KAZN: variants seen among roughly 807,000 people sequenced by gnomAD.
KAZN encodes the protein kazrin, periplakin interacting protein, also known as kazrin.
Under a neutral mutation model 87.4 loss-of-function variants are expected in KAZN, and 40 were observed. That is an observed-to-expected ratio of 0.46 (90% confidence interval 0.36 to 0.60). KAZN has a LOEUF of 0.60. Ranked by LOEUF, KAZN falls within the 20% of genes least tolerant of loss-of-function variation. The pLI, the probability that KAZN is intolerant of heterozygous loss-of-function variation, is 0.00. For synonymous variants in KAZN, 466 were observed against 458.3 expected (o/e 1.02, Z -0.22); for missense variants, 898 against 1,073.9 (o/e 0.84, Z 2.29).
At chr1:14,104,250 A>G (rs1337292885) in intron 1 of KAZN, among the ~76,000 whole-genome samples, 2 of 152,240 alleles carry the variant, frequency 1.3e-5, no homozygotes, top group East Asian at 3.9e-4. Flanking sequence ...CCTTCCCCGC[A>G]AGGAGCACCT....
At position 14,119,042 on chromosome 1, in the gene KAZN, A is replaced by T. The variant is rs1469530661; in HGVS notation, c.92-61393A>T. 3.7e-5 allele frequency among the ~76,000 whole-genome samples: 4 copies of T among 109,456 alleles called. No individual in the cohort carries two copies. In the Admixed American group the frequency reaches 4.0e-4, roughly 11 times the overall value. The allele number at this position is 109,456 out of a possible 152,430, so 71.8% of individuals were successfully genotyped here. On this transcript the variant is annotated intron_variant, in intron 1 of 16. Coordinates refer to the KAZN transcript ENST00000636203. ...TCATTGCAAAACAAACAAAAAAAAC[A>T]AAAACAAAAACAAAAAAAACCCTTT...
chr1:14,544,346 C>CTTT (rs1672995998), intron 2 of KAZN, among the ~76,000 whole-genome samples: 2 of 67,158 alleles, frequency 3.0e-5, no homozygotes, highest in Admixed American at 1.8e-4. Flanking sequence ...TTCTTTCTTT[C>CTTT]TTTCTTTTTT....
chr1:14,160,216 G>A (rs576821605), intron 1 of KAZN, among the ~76,000 whole-genome samples: 252 of 152,312 alleles, frequency 1.7e-3, no homozygotes, highest in Non-Finnish European at 3.0e-3. Context: ...GCCTGCAATA[G>A]CAAGGCTTTC....
chr1:14,289,576 C>G (rs1045234997), intron 2 of KAZN, among the ~76,000 whole-genome samples: 4 of 151,346 alleles, frequency 2.6e-5, no homozygotes, highest in African/African-American at 9.7e-5. Flanking sequence ...GCCTATGTCT[C>G]TGCACATAAG....
At chr1:14,334,155 C>G (rs1657051508) in intron 2 of KAZN, among the ~76,000 whole-genome samples, 1 of 151,950 alleles carries the variant, frequency 6.6e-6, no homozygotes, top group African/African-American at 2.4e-5. Context: ...CACCTGAGGT[C>G]AGGAGTTCTA....
At chr1:13,981,799 T>G (rs1638723649) in intron 1 of KAZN, among the ~76,000 whole-genome samples, 1 of 152,204 alleles carries the variant, frequency 6.6e-6, no homozygotes, top group Admixed American at 6.5e-5. Flanking sequence ...TGGAAGCATG[T>G]GATGACTGTG....
intron 2 of KAZN, among the ~76,000 whole-genome samples, chr1:14,280,747 T>C (rs1557613216): frequency 6.6e-6 from 1 of 152,126 alleles, no homozygotes; most frequent in African/African-American, 2.4e-5. Context: ...TACAAATACA[T>C]CCCATACACA....
At chr1:13,915,788 CCTT>C (rs1378530241) in intron 1 of KAZN, among the ~76,000 whole-genome samples, 1 of 152,224 alleles carries the variant, frequency 6.6e-6, no homozygotes, top group Admixed American at 6.5e-5. Context: ...CCTCGTTCCA[CCTT>C]CCTTATCTCT....
intron 2 of KAZN, among the ~76,000 whole-genome samples, chr1:14,258,683 A>C (rs1309412322): frequency 6.6e-6 from 1 of 152,108 alleles, no homozygotes; most frequent in Non-Finnish European, 1.5e-5. Flanking sequence ...GTTTGACTTC[A>C]TGTCAGTGGT....
intron 1 of KAZN, among the ~76,000 whole-genome samples, chr1:13,904,393 A>G (rs1639362261): frequency 6.6e-6 from 1 of 152,168 alleles, no homozygotes; most frequent in African/African-American, 2.4e-5. Flanking sequence ...GTTGGGTTGT[A>G]GGGATCAGGC....
chr1:14,512,803 T>C (rs1670985660), intron 2 of KAZN, among the ~76,000 whole-genome samples: 1 of 152,184 alleles, frequency 6.6e-6, no homozygotes, highest in South Asian at 2.1e-4. Flanking sequence ...TTCCTATTCA[T>C]GGCAGTATTT....
intron 1 of KAZN, among the ~76,000 whole-genome samples, chr1:14,926,772 G>A (rs1029489028): frequency 2.0e-5 from 3 of 152,220 alleles, no homozygotes; most frequent in African/African-American, 7.2e-5. Flanking sequence ...GCCAGGCTGT[G>A]CGGTGGCTCT....
intron 1 of KAZN, among the ~76,000 whole-genome samples, chr1:14,171,529 A>G (rs1483256826): frequency 6.6e-6 from 1 of 152,230 alleles, no homozygotes; most frequent in African/African-American, 2.4e-5. Flanking sequence ...CATTTATTTA[A>G]TGAGACCATA....
intron 1 of KAZN, among the ~76,000 whole-genome samples, chr1:14,901,235 G>A (rs899736767): frequency 6.6e-6 from 1 of 152,190 alleles, no homozygotes; most frequent in Non-Finnish European, 1.5e-5. Flanking sequence ...TCTGTCGGAC[G>A]GGGAAAGAGC....
intron 2 of KAZN, among the ~76,000 whole-genome samples, chr1:14,216,048 A>T (rs1215907429): frequency 1.3e-5 from 2 of 152,160 alleles, no homozygotes; most frequent in East Asian, 1.9e-4. Flanking sequence ...CAATTTTTTT[A>T]AAAAATAGAG....
intron 1 of KAZN, among the ~76,000 whole-genome samples, chr1:14,627,878 T>A (rs961606552): frequency 6.6e-6 from 1 of 152,156 alleles, no homozygotes; most frequent in Non-Finnish European, 1.5e-5. Context: ...GGGTAACAGG[T>A]TTATTCTCTG....
chr1:15,110,583 T>C (rs2100747954), intron 13 of KAZN, among the ~76,000 whole-genome samples: 1 of 128,124 alleles, frequency 7.8e-6, no homozygotes, highest in South Asian at 2.4e-4. Flanking sequence ...TCTCATTTAG[T>C]CCTCACAATG....
chr1:14,685,297 C>G (rs928600105), intron 1 of KAZN, among the ~76,000 whole-genome samples: 2 of 152,166 alleles, frequency 1.3e-5, no homozygotes, highest in Non-Finnish European at 2.9e-5. Flanking sequence ...GGTGAGGGAG[C>G]TGGGGTATTT....
chr1:14,896,029 T>G (rs942277103), intron 1 of KAZN, among the ~76,000 whole-genome samples: 16 of 145,130 alleles, frequency 1.1e-4, no homozygotes, highest in African/African-American at 4.1e-4. Context: ...TAAGTACAAA[T>G]GAAAAAGACG....
Sources: allele counts gnomAD v4.1 joint callset (sites outside exome capture counted in the v4.1 genomes callset), GRCh38; gene constraint gnomAD v4.1.1; transcripts MANE v1.5; gene names NCBI Gene and HGNC (gene_info 2026-07-23, HGNC 2026-07-21).